Variants in WWOX observed in about 807,000 individuals in gnomAD.
The protein encoded by WWOX is WW domain containing oxidoreductase, also known as WW domain-containing oxidoreductase.
In WWOX, 69 loss-of-function variants were observed where a neutral mutation model predicts 46.2. The ratio of observed to expected loss-of-function variants is 1.49; its 90% CI spans 1.23 to 1.82. WWOX has a LOEUF of 1.82. Ranked by LOEUF, WWOX falls within the 40% of genes most tolerant of loss-of-function variation. WWOX has a pLI of 0.00. For missense variants in WWOX, 919 were observed against 542.6 expected (o/e 1.69, Z -6.89); for synonymous variants, 359 against 202.6 (o/e 1.77, Z -6.56).
intron 8 of WWOX, among the ~76,000 whole-genome samples, chr16:78,803,124 A>G (rs529604249): frequency 2.6e-5 from 4 of 151,738 alleles, no homozygotes; most frequent in Non-Finnish European, 5.9e-5. Flanking sequence ...TTATATATAA[A>G]TTAGTCTTTC....
At chr16:78,728,056 T>TTC (rs534538322) in intron 8 of WWOX, among the ~76,000 whole-genome samples, 2 of 68,968 alleles carry the variant, frequency 2.9e-5, no homozygotes, top group African/African-American at 1.6e-4. Flanking sequence ...CCCTCCTTCC[T>TTC]TTTTTTTTTT....
At chr16:79,180,069 C>G (rs929318104) in intron 8 of WWOX, among the ~76,000 whole-genome samples, 1 of 151,920 alleles carries the variant, frequency 6.6e-6, no homozygotes, top group African/African-American at 2.4e-5. Context: ...TTGAGAGATT[C>G]TATTGTGCAC....
At chr16:78,354,382 T>A (rs4545826) in intron 5 of WWOX, among the ~76,000 whole-genome samples, 2,174 of 151,534 alleles carry the variant, frequency 0.014, 40 homozygotes, top group Middle Eastern at 0.063. Context: ...TATTGTCAAA[T>A]GACTTTCCAG....
In WWOX at chr16:78,425,056, G is replaced by A. The variant is rs1164465811; in HGVS notation, c.791+1G>A. The A allele has an allele frequency of 6.2e-7, 1 of 1,613,514 alleles. No individual in the cohort carries two copies. The highest frequency in any genetic ancestry group is 8.5e-7 in the Non-Finnish European group (1 of 1,180,012). On this transcript the variant is annotated splice_donor_variant, in intron 7 of 8. Coordinates refer to ENST00000566780, the MANE Select transcript of WWOX (RefSeq NM_016373.4). LOFTEE classifies it high-confidence loss of function. ...TTGTGGTCTCCTCAGAGTCCCATCGGTGGGTTTGAATTGCATATTTGTTCA... is the reference window on the plus strand; with the variant it reads ...TTGTGGTCTCCTCAGAGTCCCATCGATGGGTTTGAATTGCATATTTGTTCA...
At chr16:78,678,134 A>T (rs528625938) in intron 8 of WWOX, among the ~76,000 whole-genome samples, 1 of 152,242 alleles carries the variant, frequency 6.6e-6, no homozygotes, top group Admixed American at 6.5e-5. Flanking sequence ...TGAAGGCTTA[A>T]GGTTTTGTCT....
At chr16:79,065,447 A>G (rs187012349) in intron 8 of WWOX, among the ~76,000 whole-genome samples, 11 of 152,288 alleles carry the variant, frequency 7.2e-5, no homozygotes, top group African/African-American at 2.4e-4. Flanking sequence ...AAGTGTGGAA[A>G]ATGGTCCTCG....
chr16:78,729,756 G>A (rs145299503), intron 8 of WWOX, among the ~76,000 whole-genome samples: 9 of 152,254 alleles, frequency 5.9e-5, no homozygotes, highest in South Asian at 2.1e-4. Context: ...ATGCAAATGG[G>A]CTTTGCTTGA....
At chr16:79,114,615 G>C (rs2049477942) in intron 8 of WWOX, among the ~76,000 whole-genome samples, 1 of 152,054 alleles carries the variant, frequency 6.6e-6, no homozygotes, top group Non-Finnish European at 1.5e-5. Flanking sequence ...GAGACACCTT[G>C]AATTCAGACT....
intron 8 of WWOX, among the ~76,000 whole-genome samples, chr16:78,524,747 T>C (rs957104090): frequency 6.6e-5 from 10 of 151,614 alleles, no homozygotes; most frequent in African/African-American, 2.2e-4. Context: ...TAACAAAGTA[T>C]TAGCATTGTG....
intron 8 of WWOX, among the ~76,000 whole-genome samples, chr16:78,958,281 C>T (rs148141501): frequency 6.6e-5 from 10 of 152,060 alleles, no homozygotes; most frequent in African/African-American, 1.9e-4. Flanking sequence ...TTAATTTAAT[C>T]AAATAGTGTC....
rs545506449 is a variant in WWOX at position 78,285,169 on chromosome 16, C to G, written c.517-101691C>G. 3.9e-5 allele frequency among the ~76,000 whole-genome samples: 6 copies of G among 152,180 alleles called. No homozygotes were observed. The East Asian group carries it at 1.2e-3, about 29-fold the overall frequency. ...AGGATTGAGGCCAGGCAAGGTGGCT[C>G]ACATCTATAATCCCAGAACTTTGGG... On this transcript the variant is annotated intron_variant, in intron 5 of 8. Transcript: ENST00000566780.
intron 5 of WWOX, among the ~76,000 whole-genome samples, chr16:78,247,615 C>G (rs957218846): frequency 1.3e-5 from 2 of 152,154 alleles, no homozygotes; most frequent in Admixed American, 6.5e-5. Flanking sequence ...TTTCCCAACA[C>G]CTGCCCCCTG....
chr16:78,508,005 T>C (rs901035764), intron 8 of WWOX, among the ~76,000 whole-genome samples: 2 of 149,078 alleles, frequency 1.3e-5, no homozygotes, highest in African/African-American at 5.1e-5. Context: ...TGCGTGTGTG[T>C]GTGTGTGTGT....
intron 8 of WWOX, among the ~76,000 whole-genome samples, chr16:78,769,499 A>C (rs1180479299): frequency 3.3e-5 from 5 of 151,878 alleles, no homozygotes; most frequent in Non-Finnish European, 5.9e-5. Context: ...TGGGTAATTA[A>C]CAAATGTAAT....
intron 8 of WWOX, among the ~76,000 whole-genome samples, chr16:78,476,880 C>T (rs1048842746): frequency 2.6e-5 from 4 of 151,954 alleles, no homozygotes. Context: ...CCTGATTTCC[C>T]ATCTTCTTCC....
At chr16:78,436,599 T>C (rs554153671) in intron 8 of WWOX, among the ~76,000 whole-genome samples, 8 of 152,324 alleles carry the variant, frequency 5.3e-5, no homozygotes, top group South Asian at 2.1e-4. Flanking sequence ...ACAGAAGTTA[T>C]TGAGGTTTTT....
At chr16:78,536,252 A>C (rs1033144905) in intron 8 of WWOX, among the ~76,000 whole-genome samples, 1 of 152,028 alleles carries the variant, frequency 6.6e-6, no homozygotes, top group African/African-American at 2.4e-5. Flanking sequence ...TTTTAGTGTA[A>C]ATGTCATGTA....
chr16:78,586,147 C>T (rs191535419), intron 8 of WWOX, among the ~76,000 whole-genome samples: 8 of 151,990 alleles, frequency 5.3e-5, no homozygotes, highest in African/African-American at 1.2e-4. Flanking sequence ...GTTTGAGCCC[C>T]GGAGTTCAAG....
intron 4 of WWOX, among the ~76,000 whole-genome samples, chr16:78,143,578 C>G (rs1212749980): frequency 6.6e-6 from 1 of 152,092 alleles, no homozygotes; most frequent in African/African-American, 2.4e-5. Context: ...CAGCAAAGCC[C>G]AAGATATTTA....
Sources: allele counts gnomAD v4.1 joint callset (sites outside exome capture counted in the v4.1 genomes callset), GRCh38; gene constraint gnomAD v4.1.1; transcripts MANE v1.5; gene names NCBI Gene and HGNC (gene_info 2026-07-23, HGNC 2026-07-21).